Variants in WNT3 observed in about 807,000 individuals in gnomAD.
WNT3 encodes proto-oncogene Wnt-3.
Under a neutral mutation model 34.2 loss-of-function variants are expected in WNT3, and 7 were observed. The observed-to-expected ratio is 0.20, with a 90% CI of 0.12 to 0.38. WNT3 has a LOEUF of 0.38. WNT3 is among the 10% of genes least tolerant of loss of function. WNT3 has a pLI of 1.00. For synonymous variants in WNT3, 212 were observed against 211.5 expected (o/e 1.00, Z -0.02); for missense variants, 267 against 499.8 (o/e 0.53, Z 4.44).
At chr17:46,771,974 C>A (rs1293873920) in intron 2 of WNT3, among the ~76,000 whole-genome samples, 23 of 150,136 alleles carry the variant, frequency 1.5e-4, no homozygotes, top group South Asian at 8.3e-4. Context: ...CCGACCCCGC[C>A]GCCCCCAGAC....
rs148219885 is a variant in WNT3 at position 46,792,174 on chromosome 17, C to T, written c.81-18265G>A. Among the ~76,000 whole-genome samples the T allele has an allele frequency of 1.5e-3, 227 of 152,310 alleles. 1 individual carries two copies. Among genetic ancestry groups the T allele is most frequent in the Middle Eastern group, 0.01 (3 of 292 alleles). ...AGGCAAAATGTCAGTGCACATTAGC[C>T]CCAGTTAAGGTTCCCCCAGGAATCA... On this transcript the variant is annotated intron_variant, in intron 1 of 4. Transcript: ENST00000225512.
At chr17:46,801,088 A>G (rs749448517) in intron 1 of WNT3, among the ~76,000 whole-genome samples, 63 of 152,156 alleles carry the variant, frequency 4.1e-4, no homozygotes, top group Non-Finnish European at 8.1e-4. Context: ...TTTCATCCTC[A>G]CAATAGCCCT....
chr17:46,780,548 G>A (rs537106083), intron 1 of WNT3, among the ~76,000 whole-genome samples: 9 of 152,294 alleles, frequency 5.9e-5, no homozygotes, highest in Non-Finnish European at 1.3e-4. Flanking sequence ...CAGCACTTTG[G>A]GAGGCCGAGG....
chr17:46,788,538 A>G, intron 1 of WNT3, among the ~76,000 whole-genome samples: 1 of 152,132 alleles, frequency 6.6e-6, no homozygotes, highest in East Asian at 1.9e-4. Context: ...TCCCATGTTT[A>G]AATCCCCTTT....
At position 46,795,893 on chromosome 17, in the gene WNT3, CAT is replaced by C. The variant is rs1484680416; in HGVS notation, c.81-21986_81-21985del. On this transcript the variant is annotated intron_variant, in intron 1 of 4. Coordinates refer to ENST00000225512, the MANE Select transcript of WNT3 (RefSeq NM_030753.5). Reference sequence around the variant, plus strand: ...TCCCTCTCTCTCTCACACACACACACATGCATGCACGCACACACACGTGTGCA... The same window carrying C: ...TCCCTCTCTCTCTCACACACACACACGCATGCACGCACACACACGTGTGCA... 2.6e-5 allele frequency among the ~76,000 whole-genome samples: 4 copies of C among 152,260 alleles called. No homozygotes were observed. In the East Asian group the frequency reaches 7.7e-4, roughly 29 times the overall value.
At chr17:46,786,711 T>C (rs765801226) in intron 1 of WNT3, among the ~76,000 whole-genome samples, 5 of 152,182 alleles carry the variant, frequency 3.3e-5, no homozygotes, top group Non-Finnish European at 5.9e-5. Flanking sequence ...GTGCTCTCTG[T>C]TACTGAGGAT....
At chr17:46,799,511 C>T (rs2084097585) in intron 1 of WNT3, among the ~76,000 whole-genome samples, 1 of 145,306 alleles carries the variant, frequency 6.9e-6, no homozygotes, top group Non-Finnish European at 1.5e-5. Flanking sequence ...GCAGTGGTGT[C>T]ATCTCAGCTA....
At chr17:46,772,293 G>C (rs543621212) in intron 2 of WNT3, among the ~76,000 whole-genome samples, 1 of 152,372 alleles carries the variant, frequency 6.6e-6, no homozygotes, top group East Asian at 1.9e-4. Flanking sequence ...GGGCCATCTA[G>C]GGACCGGGGC....
chr17:46,762,642 A>G lies in WNT3; in HGVS notation c.*1988T>C, dbSNP rs1320180398. 1 of 151,472 alleles carries G rather than the reference A, an allele frequency of 6.6e-6. No homozygotes were observed. Among genetic ancestry groups the G allele is most frequent in the African/African-American group, 2.4e-5 (1 of 41,338 alleles). The allele number at this position is 151,472 out of a possible 1,614,324, so 9.4% of individuals were successfully genotyped here. A position where few individuals can be genotyped will look rare whatever the true frequency, so the allele number is the denominator to read the frequency against. ...CAAAGGTATATACATTGTATAATAA[A>G]TAATATTTATAAAAAGAGACTTTTT... is the stretch of plus-strand genomic sequence containing the variant. On this transcript the variant is annotated 3_prime_UTR_variant, in exon 5 of 5. Coordinates refer to ENST00000225512, the MANE Select transcript of WNT3 (RefSeq NM_030753.5).
chr17:46,780,745 C>T (rs1302235429), intron 1 of WNT3, among the ~76,000 whole-genome samples: 2 of 152,038 alleles, frequency 1.3e-5, no homozygotes, highest in East Asian at 3.9e-4. Flanking sequence ...CCACTGCGCT[C>T]CAGCCTGGGT....
intron 1 of WNT3, among the ~76,000 whole-genome samples, chr17:46,788,063 A>G (rs2059527207): frequency 6.6e-6 from 1 of 152,080 alleles, no homozygotes; most frequent in Non-Finnish European, 1.5e-5. Context: ...TTGGGACTTC[A>G]AGGAATAGGT....
chr17:46,815,635 G>A (rs1244680954), intron 1 of WNT3, among the ~76,000 whole-genome samples: 4 of 151,830 alleles, frequency 2.6e-5, no homozygotes, highest in Non-Finnish European at 5.9e-5. Context: ...CCCTGAGAAG[G>A]TGACTCACCC....
chr17:46,802,940 C>T (rs868509853), intron 1 of WNT3, among the ~76,000 whole-genome samples: 1 of 152,146 alleles, frequency 6.6e-6, no homozygotes. Context: ...GTCACAGGAA[C>T]CCTGATTTAT....
In WNT3 at chr17:46,762,868, T is replaced by C. The variant is rs1325421079; in HGVS notation, c.*1762A>G. ...AAACATGACTTTATCACTTTTAATA[T>C]AGAATACATAGATATGAAAAGATTG... On this transcript the variant is annotated 3_prime_UTR_variant, in exon 5 of 5. Coordinates refer to ENST00000225512, the MANE Select transcript of WNT3 (RefSeq NM_030753.5). 1 of 152,186 alleles carries C rather than the reference T, an allele frequency of 6.6e-6. No individual in the cohort carries two copies. Among genetic ancestry groups the C allele is most frequent in the Non-Finnish European group, 1.5e-5 (1 of 68,038 alleles). 9.4% of individuals were successfully genotyped at this position (152,186 alleles called of 1,614,324 possible). A position where few individuals can be genotyped will look rare whatever the true frequency, so the allele number is the denominator to read the frequency against.
chr17:46,795,985 T>TA (rs557278981), intron 1 of WNT3, among the ~76,000 whole-genome samples: 2 of 148,950 alleles, frequency 1.3e-5, no homozygotes, highest in African/African-American at 4.9e-5. Context: ...AATAGAGGAT[T>TA]AAAAAAAAAA....
chr17:46,768,207 G>T lies in WNT3; in HGVS notation c.*8+105C>A. The stretch of plus-strand genomic sequence containing the variant: ...TGGCTGTGGGAACTTGTGTGTCTTG[G>T]ATAGCTTAGAAACAGAAGGGGGTCG... On this transcript the variant is annotated intron_variant, in intron 4 of 4. Transcript: ENST00000225512. This position sits in a 1 kb window ranked among gnomAD's most constrained non-coding sequence, Gnocchi z 5.0. The T allele has an allele frequency of 1.3e-6, 2 of 1,526,322 alleles. No individual in the cohort carries two copies. The highest frequency in any genetic ancestry group is 8.9e-7 in the Non-Finnish European group (1 of 1,127,360). 94.5% of individuals were successfully genotyped at this position (1,526,322 alleles called of 1,614,324 possible).
chr17:46,769,707 G>T, intron 3 of WNT3, 76 bp downstream of exon 3: 1 of 1,580,376 alleles, frequency 6.3e-7, no homozygotes, highest in Non-Finnish European at 8.6e-7. Flanking sequence ...AAGGGGTGAG[G>T]TGGGGGCCAG....
intron 1 of WNT3, among the ~76,000 whole-genome samples, chr17:46,775,683 G>C (rs181942582): frequency 6.9e-6 from 1 of 145,150 alleles, no homozygotes. Context: ...ACGTGATCTC[G>C]GCTCACTGCA....
intron 1 of WNT3, among the ~76,000 whole-genome samples, chr17:46,811,669 C>G (rs2084277573): frequency 6.6e-6 from 1 of 152,064 alleles, no homozygotes; most frequent in South Asian, 2.1e-4. Context: ...ATTCTAGAAA[C>G]TCTGGCTGGG....
Sources: allele counts gnomAD v4.1 joint callset (sites outside exome capture counted in the v4.1 genomes callset), GRCh38; gene constraint gnomAD v4.1.1; non-coding constraint Gnocchi (gnomAD v3.1); transcripts MANE v1.5; gene names NCBI Gene and HGNC (gene_info 2026-07-23, HGNC 2026-07-21).